Variants in ENAH observed in about 807,000 individuals in gnomAD.
ENAH encodes protein enabled homolog.
ENAH carries 23 observed loss-of-function variants against 78.7 expected under a neutral mutation model. The ratio of observed to expected loss-of-function variants is 0.29; its 90% CI spans 0.21 to 0.41. The LOEUF is 0.41. Among genes scored for constraint, ENAH ranks in the 10% least tolerant of loss-of-function variants. The pLI, the probability that ENAH is intolerant of heterozygous loss-of-function variation, is 1.00. For missense variants in ENAH, 544 were observed against 691.0 expected (o/e 0.79, Z 2.39); for synonymous variants, 226 against 241.0 (o/e 0.94, Z 0.58).
At chr1:225,582,163 C>G (rs4129816) in intron 1 of ENAH, among the ~76,000 whole-genome samples, 42 of 151,364 alleles carry the variant, frequency 2.8e-4, no homozygotes, top group African/African-American at 5.8e-4. Context: ...GTCTTCCCCC[C>G]CTCTCTCTCT....
chr1:225,512,987 C>T lies in ENAH; in HGVS notation c.1248G>A (p.Gly416=). 6.2e-7 allele frequency: 1 copy of T among 1,613,394 alleles called. No individual in the cohort carries two copies. Among genetic ancestry groups the T allele is most frequent in the Non-Finnish European group, 8.5e-7 (1 of 1,179,680 alleles). Residue 416 remains glycine (G), a synonymous_variant, in exon 8 of 14, where the codon GGG becomes GGA. Transcript: ENST00000366843. ...RMEDTSFPSG[G]NAIGVNSASS... is the part of the protein sequence containing the mutation. ...AGGCGGAGTTCACACCAATAGCATTCCCTCCACTTGGGAAAGAGGTATCCT... is the reference window on the plus strand; with the variant it reads ...AGGCGGAGTTCACACCAATAGCATTTCCTCCACTTGGGAAAGAGGTATCCT...
At position 225,577,010 on chromosome 1, in the gene ENAH, G is replaced by A. The variant is rs571760535; in HGVS notation, c.6-9596C>T. ...CTTAGCTGGGCAGGGTGGCAGGCAC[G>A]TGTAGTCCCAGCTATTCAGGAGGCT... On this transcript the variant is annotated intron_variant, in intron 1 of 13. Transcript: ENST00000366843. Among the ~76,000 whole-genome samples the A allele has an allele frequency of 9.8e-4, 149 of 152,086 alleles. 1 individual carries two copies. Among genetic ancestry groups the A allele is most frequent in the African/African-American group, 3.0e-3 (125 of 41,482 alleles).
chr1:225,537,720 G>C (rs2096568669), intron 3 of ENAH, among the ~76,000 whole-genome samples: 1 of 90,978 alleles, frequency 1.1e-5, no homozygotes, highest in Non-Finnish European at 2.5e-5. Context: ...TAGGCCTATT[G>C]ACTTTTTTTT....
intron 3 of ENAH, among the ~76,000 whole-genome samples, chr1:225,542,702 T>C (rs764362475): frequency 2.6e-5 from 4 of 152,206 alleles, no homozygotes; most frequent in Non-Finnish European, 5.9e-5. Context: ...TAAACTGGGT[T>C]TGTCTCACAT....
At chr1:225,501,142 AT>A in intron 11 of ENAH, 72 bp from the exon 12 acceptor site, 1 of 1,165,888 alleles carries the variant, frequency 8.6e-7, no homozygotes, top group Non-Finnish European at 1.2e-6. Flanking sequence ...ATAATTGCAA[AT>A]TTACCAACCC....
At chr1:225,545,147 G>A (rs1432816129) in intron 3 of ENAH, among the ~76,000 whole-genome samples, 1 of 152,196 alleles carries the variant, frequency 6.6e-6, no homozygotes, top group Non-Finnish European at 1.5e-5. Context: ...AAAAAGACAG[G>A]AAGAAAGAGT....
At chr1:225,642,382 G>A (rs925638684) in intron 1 of ENAH, among the ~76,000 whole-genome samples, 3 of 152,098 alleles carry the variant, frequency 2.0e-5, no homozygotes, top group Non-Finnish European at 4.4e-5. Flanking sequence ...GCTGAGGTCT[G>A]GTAAGAGCTT....
chr1:225,628,799 C>T (rs1031212703), intron 1 of ENAH, among the ~76,000 whole-genome samples: 4 of 150,080 alleles, frequency 2.7e-5, no homozygotes, highest in Non-Finnish European at 5.9e-5. Flanking sequence ...CCCAGCTACT[C>T]GGGAGGCTGA....
chr1:225,584,361 G>T (rs928232403), intron 1 of ENAH, among the ~76,000 whole-genome samples: 3 of 151,840 alleles, frequency 2.0e-5, no homozygotes, highest in African/African-American at 7.3e-5. Flanking sequence ...CTAAGTAAAT[G>T]GTAAAAGTGA....
At chr1:225,507,222 A>G (rs369150812) in intron 11 of ENAH, among the ~76,000 whole-genome samples, 6 of 152,116 alleles carry the variant, frequency 3.9e-5, no homozygotes, top group African/African-American at 1.4e-4. Flanking sequence ...ACAAGTTTCA[A>G]ATGAGATAGG....
At chr1:225,636,838 T>A (rs1279681262) in intron 1 of ENAH, among the ~76,000 whole-genome samples, 3 of 152,148 alleles carry the variant, frequency 2.0e-5, no homozygotes, top group Non-Finnish European at 2.9e-5. Context: ...TCCGTTTTTT[T>A]AAGGGAAAAA....
intron 3 of ENAH, among the ~76,000 whole-genome samples, chr1:225,548,017 A>C (rs2096623064): frequency 6.6e-6 from 1 of 152,208 alleles, no homozygotes; most frequent in Admixed American, 6.5e-5. Context: ...TGTGAGGACA[A>C]GACTTGTGTC....
chr1:225,603,500 C>T (rs189959271), intron 1 of ENAH, among the ~76,000 whole-genome samples: 7 of 152,108 alleles, frequency 4.6e-5, no homozygotes, highest in South Asian at 4.1e-4. Flanking sequence ...CAAATATAAC[C>T]GTGCTTTTCT....
chr1:225,583,208 GAGC>G (rs745662828), intron 1 of ENAH, among the ~76,000 whole-genome samples: 3 of 152,002 alleles, frequency 2.0e-5, no homozygotes, highest in Non-Finnish European at 4.4e-5. Flanking sequence ...AGGCTGAGGC[GAGC>G]AGATCACCTG....
chr1:225,511,978 C>T (rs75186578), intron 9 of ENAH, 119 bp from the exon 10 acceptor site: 31,696 of 589,192 alleles, frequency 0.054, 1,158 homozygotes, highest in South Asian at 0.099. Flanking sequence ...TCTCTTTCAT[C>T]GGTCTTCTCT....
intron 11 of ENAH, chr1:225,504,879 A>G: frequency 1.6e-6 from 1 of 628,822 alleles, no homozygotes; most frequent in East Asian, 2.9e-5. Context: ...TTCAAAATAA[A>G]GAAAAAAAAA....
At chr1:225,646,950 G>C (rs1011949675) in intron 1 of ENAH, among the ~76,000 whole-genome samples, 1 of 152,116 alleles carries the variant, frequency 6.6e-6, no homozygotes, top group African/African-American at 2.4e-5. Context: ...AGCAGGGCTG[G>C]GGGCGGTGAC....
At chr1:225,633,203 T>G (rs563460933) in intron 1 of ENAH, among the ~76,000 whole-genome samples, 1 of 151,468 alleles carries the variant, frequency 6.6e-6, no homozygotes, top group East Asian at 1.9e-4. Flanking sequence ...CCACCACACC[T>G]GGCTAATTTT....
chr1:225,499,519 A>G (rs1319039632), intron 12 of ENAH, among the ~76,000 whole-genome samples: 1 of 152,058 alleles, frequency 6.6e-6, no homozygotes, highest in Non-Finnish European at 1.5e-5. Context: ...AAAAACTACA[A>G]AAGTTAGCCG....
Sources: allele counts gnomAD v4.1 joint callset (sites outside exome capture counted in the v4.1 genomes callset), GRCh38; gene constraint gnomAD v4.1.1; transcripts MANE v1.5; gene names NCBI Gene and HGNC (gene_info 2026-07-23, HGNC 2026-07-21).